The following LINGO2 variants were observed in gnomAD, a reference collection of about 807,000 sequenced individuals.
LINGO2 encodes the protein leucine-rich repeat and immunoglobulin-like domain-containing nogo receptor-interacting protein 2.
In LINGO2, 14 loss-of-function variants were observed where a neutral mutation model predicts 30.6. The ratio of observed to expected loss-of-function variants is 0.46; its 90% confidence interval spans 0.30 to 0.72. The LOEUF (loss-of-function observed/expected upper bound fraction) is 0.72. Among genes scored for constraint, LINGO2 ranks in the 30% least tolerant of loss-of-function variants. The pLI, the probability that LINGO2 is intolerant of heterozygous loss-of-function variation, is 0.07. For missense variants in LINGO2, 729 were observed against 751.7 expected, an observed-to-expected ratio of 0.97 and a Z score of 0.35; for synonymous variants, 317 against 288.5, an observed-to-expected ratio of 1.10 and a Z score of -1.00.
At chr9:28,510,674 GTA>G (rs897438447) in intron 1 of LINGO2, among the ~76,000 whole-genome samples, 11 of 40,514 alleles carry the variant, frequency 2.7e-4, no homozygotes, top group South Asian at 1.9e-3. Flanking sequence ...AGTGTCAACT[GTA>G]TATATATGTG....
chr9:28,298,423 T>C (rs1009250901), intron 3 of LINGO2, among the ~76,000 whole-genome samples: 1 of 151,058 alleles, frequency 6.6e-6, no homozygotes, highest in African/African-American at 2.4e-5. Flanking sequence ...CCCAGCACTT[T>C]GGGAGGCTGA....
chr9:28,966,577 T>A, the LINGO2 span, among the ~76,000 whole-genome samples: 34,733 of 152,038 alleles, frequency 0.23, 4,057 homozygotes, highest in East Asian at 0.34. Flanking sequence ...ATCTTATGCA[T>A]GAACACACAA....
Position 28,155,783 on chromosome 9 carries a change from A to G in LINGO2, c.-87+139425T>C, listed in dbSNP as rs1053015074. 9.2e-5 allele frequency among the ~76,000 whole-genome samples: 14 copies of G among 152,214 alleles called. 1 individual carries two copies. Among genetic ancestry groups the G allele is most frequent in the Non-Finnish European group, 1.6e-4 (11 of 68,034 alleles). On this transcript the variant is annotated intron_variant, in intron 4 of 5. Coordinates refer to ENST00000379992, the Ensembl canonical transcript of LINGO2. ...GGAAGTGATTATCTCACAAAGTCAC[A>G]GTCCTCATGAATGGGATTCCTTTCA...
chr9:28,282,175 C>T (rs1823350771), intron 4 of LINGO2, among the ~76,000 whole-genome samples: 1 of 152,034 alleles, frequency 6.6e-6, no homozygotes, highest in Non-Finnish European at 1.5e-5. Context: ...TTAAAATAGT[C>T]AAGTTATTTC....
intron 4 of LINGO2, among the ~76,000 whole-genome samples, chr9:28,259,994 C>A (rs1228799035): frequency 6.6e-6 from 1 of 151,690 alleles, no homozygotes; most frequent in African/African-American, 2.4e-5. Context: ...AGGATGTCAG[C>A]AATATTGTGC....
intron 2 of LINGO2, among the ~76,000 whole-genome samples, chr9:28,450,184 GT>G (rs1445694372): frequency 6.6e-6 from 1 of 151,946 alleles, no homozygotes; most frequent in Non-Finnish European, 1.5e-5. Flanking sequence ...CTTCTGAAAT[GT>G]AATCTGTGGA....
the LINGO2 span, among the ~76,000 whole-genome samples, chr9:29,154,254 G>A: frequency 1.3e-5 from 2 of 151,594 alleles, no homozygotes; most frequent in African/African-American, 2.4e-5. Flanking sequence ...GACCATCCTG[G>A]CAAACACACG....
intron 5 of LINGO2, among the ~76,000 whole-genome samples, chr9:27,966,659 G>C (rs1253458430): frequency 6.6e-6 from 1 of 151,992 alleles, no homozygotes; most frequent in Non-Finnish European, 1.5e-5. Context: ...GATAGCTGCA[G>C]CAAACCACCA....
chr9:28,646,251 C>T (rs1827832703), intron 1 of LINGO2, among the ~76,000 whole-genome samples: 1 of 152,058 alleles, frequency 6.6e-6, no homozygotes, highest in Admixed American at 6.6e-5. Flanking sequence ...CTCCTCTCCA[C>T]CTACATCATC....
chr9:29,120,488 T>G, the LINGO2 span, among the ~76,000 whole-genome samples: 1 of 152,186 alleles, frequency 6.6e-6, no homozygotes, highest in African/African-American at 2.4e-5. Context: ...TTTATTCTAG[T>G]AAACAGTTAA....
At chr9:29,113,586 G>A in the LINGO2 span, among the ~76,000 whole-genome samples, 1 of 152,182 alleles carries the variant, frequency 6.6e-6, no homozygotes, top group Non-Finnish European at 1.5e-5. Context: ...GACTAAAGAA[G>A]TAACATTGAG....
intron 4 of LINGO2, among the ~76,000 whole-genome samples, chr9:28,261,421 AC>A (rs1822559429): frequency 6.6e-6 from 1 of 151,948 alleles, no homozygotes; most frequent in African/African-American, 2.4e-5. Flanking sequence ...TTGAACTGTT[AC>A]CATCTATCCT....
the LINGO2 span, chr9:27,942,890 C>A: frequency 7.3e-6 from 1 of 136,078 alleles, no homozygotes; most frequent in Non-Finnish European, 1.7e-5. Flanking sequence ...AAACAACTGT[C>A]TTGTTATGAA....
At chr9:27,985,278 G>C (rs371059178) in intron 5 of LINGO2, among the ~76,000 whole-genome samples, 1 of 151,868 alleles carries the variant, frequency 6.6e-6, no homozygotes, top group Non-Finnish European at 1.5e-5. Flanking sequence ...TGATGTGAAA[G>C]TGTAATAATT....
the LINGO2 span, among the ~76,000 whole-genome samples, chr9:28,848,395 GTGTATATATATATATATA>G: frequency 1.0e-4 from 4 of 38,768 alleles, no homozygotes; most frequent in African/African-American, 2.5e-4. Flanking sequence ...GTGTGTGTGT[GTGTATATATATATATATA>G]TATATATATA....
At chr9:29,110,097 G>C in the LINGO2 span, among the ~76,000 whole-genome samples, 142 of 150,786 alleles carry the variant, frequency 9.4e-4, no homozygotes, top group African/African-American at 3.2e-3. Flanking sequence ...TAAAGAACTA[G>C]GCATGGTTAG....
chr9:27,995,305 A>C (rs1398486525), intron 5 of LINGO2, among the ~76,000 whole-genome samples: 12 of 152,152 alleles, frequency 7.9e-5, no homozygotes, highest in Non-Finnish European at 1.6e-4. Context: ...GAATTCCACC[A>C]AATATTTAAA....
Position 28,204,459 on chromosome 9 carries a change from C to G in LINGO2, c.-87+90749G>C, listed in dbSNP as rs537258830. Among the ~76,000 whole-genome samples the G allele has an allele frequency of 1.6e-4, 24 of 152,262 alleles. No homozygotes were observed. In the South Asian group the frequency reaches 5.0e-3, roughly 32 times the overall value. On this transcript the variant is annotated intron_variant, in intron 4 of 5. Transcript: ENST00000379992. ...AGTATATTTTTCTATTTTGTATTAT[C>G]TTTTCCATTATAGTTCCATGGTTAC...
At chr9:28,919,980 C>T in the LINGO2 span, among the ~76,000 whole-genome samples, 20 of 152,020 alleles carry the variant, frequency 1.3e-4, no homozygotes, top group East Asian at 1.2e-3. Flanking sequence ...AAAAATACTA[C>T]GACATCACAA....
Sources: allele counts gnomAD v4.1 joint callset (sites outside exome capture counted in the v4.1 genomes callset), GRCh38; gene constraint gnomAD v4.1.1; transcripts MANE v1.5; gene names NCBI Gene and HGNC (gene_info 2026-07-23, HGNC 2026-07-21).